The following DNAAF4 variants were observed in gnomAD, a reference collection of about 807,000 sequenced individuals.
The protein encoded by DNAAF4 is dynein assembly factor 4, axonemal.
In DNAAF4, 43 loss-of-function variants were observed where a neutral mutation model predicts 51.8. That is an observed-to-expected ratio of 0.83 (90% CI 0.65 to 1.07). The LOEUF (loss-of-function observed/expected upper bound fraction) is 1.07, where lower values mean the gene tolerates loss of function less well. Ranked by LOEUF, DNAAF4 falls within the 50% of genes least tolerant of loss-of-function variation. DNAAF4 has a pLI of 0.00. For missense variants in DNAAF4, 581 were observed against 493.0 expected (o/e 1.18, Z -1.69); for synonymous variants, 194 against 165.6 (o/e 1.17, Z -1.32).
intron 3 of DNAAF4, chr15:55,495,092 G>A (rs1218058347): frequency 6.6e-6 from 1 of 151,040 alleles, no homozygotes; most frequent in African/African-American, 2.4e-5. Flanking sequence ...CAGACTGGGT[G>A]TGTTATGACA....
At chr15:55,423,230 C>T (rs1469983620) in intron 7 of DNAAF4, among the ~76,000 whole-genome samples, 2 of 149,240 alleles carry the variant, frequency 1.3e-5, no homozygotes, top group Admixed American at 6.8e-5. Flanking sequence ...GAGTCAGGGT[C>T]TCCCTCTGTC....
intron 6 of DNAAF4, 89 bp from the exon 7 acceptor site, chr15:55,439,670 T>A: frequency 8.6e-7 from 1 of 1,167,700 alleles, no homozygotes; most frequent in East Asian, 2.5e-5. Context: ...CTCCAGTGGA[T>A]TGAAATATTA....
At chr15:55,437,571 A>T (rs2057634631) in intron 7 of DNAAF4, among the ~76,000 whole-genome samples, 1 of 151,920 alleles carries the variant, frequency 6.6e-6, no homozygotes, top group East Asian at 1.9e-4. Flanking sequence ...AACACGGCAA[A>T]AAGGACTTTG....
At chr15:55,436,836 C>A (rs1023476089) in intron 7 of DNAAF4, among the ~76,000 whole-genome samples, 2 of 148,162 alleles carry the variant, frequency 1.3e-5, no homozygotes, top group African/African-American at 5.0e-5. Flanking sequence ...TTCTTTTTAT[C>A]TTGAGATGGA....
chr15:55,475,900 G>A (rs1331336553), intron 4 of DNAAF4, among the ~76,000 whole-genome samples: 2 of 152,102 alleles, frequency 1.3e-5, no homozygotes, highest in African/African-American at 4.8e-5. Context: ...AAGTGCTTAA[G>A]CAGTCAGAAA....
At position 55,434,886 on chromosome 15, in the gene DNAAF4, C is replaced by CAT. The variant is rs2057582907; in HGVS notation, c.1047+17_1047+18dup. 6.9e-6 allele frequency: 11 copies of CAT among 1,582,808 alleles called. No individual in the cohort carries two copies. The highest frequency in any genetic ancestry group is 6.8e-5 in the East Asian group (3 of 44,356). ...AGGATATATTTAAAGCACCATATAT[C>CAT]ATACATAGATATCCATACCTTAGAA... is the stretch of plus-strand genomic sequence containing the variant. On this transcript the variant is annotated intron_variant, in intron 8 of 9. Transcript: ENST00000321149.
intron 6 of DNAAF4, among the ~76,000 whole-genome samples, chr15:55,440,451 T>C (rs1452335257): frequency 6.6e-6 from 1 of 152,020 alleles, no homozygotes; most frequent in Admixed American, 6.6e-5. Flanking sequence ...CGATCTCGGC[T>C]CACTGCAAGC....
At chr15:55,431,887 G>T (rs1316147360) in intron 9 of DNAAF4, among the ~76,000 whole-genome samples, 1 of 152,010 alleles carries the variant, frequency 6.6e-6, no homozygotes, top group Non-Finnish European at 1.5e-5. Flanking sequence ...CAGTTCCTGG[G>T]ATTATAGGCG....
intron 4 of DNAAF4, among the ~76,000 whole-genome samples, chr15:55,487,025 T>A (rs1379085177): frequency 6.6e-6 from 1 of 152,208 alleles, no homozygotes; most frequent in Non-Finnish European, 1.5e-5. Flanking sequence ...CAACTAATTT[T>A]ACACTTTTGT....
In DNAAF4 at chr15:55,439,559, G is replaced by C. The variant is rs1263348060; in HGVS notation, c.806C>G (p.Ala269Gly). 7 of 1,613,726 alleles carry C rather than the reference G, an allele frequency of 4.3e-6. No individual in the cohort carries two copies. In the African/African-American group the frequency reaches 6.7e-5, roughly 15 times the overall value. Reference sequence around the variant, plus strand: ...TATGTCAGTATTCATTGCTCTTCGTGCCTCAGCTTGTTTGTGTAGCCACTA... The same window carrying C: ...TATGTCAGTATTCATTGCTCTTCGTCCCTCAGCTTGTTTGTGTAGCCACTA... ...EEEWLHKQAE[A>G]RRAMNTDIAE... is the part of the protein sequence containing the mutation. Residue 269 changes from alanine (A) to glycine (G), a missense_variant, in exon 7 of 10, where the codon GCA (alanine) becomes GGA (glycine). Ala to Gly is a moderately conservative substitution (Grantham distance 60). Transcript: ENST00000321149.
intron 4 of DNAAF4, among the ~76,000 whole-genome samples, chr15:55,485,215 G>A (rs923214006): frequency 6.6e-6 from 1 of 152,190 alleles, no homozygotes; most frequent in African/African-American, 2.4e-5. Context: ...ACATGTAAAA[G>A]TGGAAGACAG....
At chr15:55,453,545 GTTC>G (rs1428614564) in intron 5 of DNAAF4, among the ~76,000 whole-genome samples, 2 of 134,420 alleles carry the variant, frequency 1.5e-5, no homozygotes, top group South Asian at 2.3e-4. Context: ...AAAAAAAACA[GTTC>G]TTTTTTTTTT....
At chr15:55,496,677 A>C (rs2058644916) in intron 3 of DNAAF4, among the ~76,000 whole-genome samples, 1 of 152,186 alleles carries the variant, frequency 6.6e-6, no homozygotes, top group African/African-American at 2.4e-5. Flanking sequence ...ACTTTGACTA[A>C]TTCAGCCTTT....
At chr15:55,433,320 A>C (rs2057526114) in intron 8 of DNAAF4, among the ~76,000 whole-genome samples, 1 of 151,940 alleles carries the variant, frequency 6.6e-6, no homozygotes, top group African/African-American at 2.4e-5. Flanking sequence ...CACACACACA[A>C]AAGGCCTCGG....
At chr15:55,435,627 A>T (rs1265593706) in intron 7 of DNAAF4, among the ~76,000 whole-genome samples, 1 of 152,222 alleles carries the variant, frequency 6.6e-6, no homozygotes, top group East Asian at 1.9e-4. Flanking sequence ...TTAGCTGTTT[A>T]GTTATATAAG....
At chr15:55,446,002 CCGGG>C (rs2057799216) in intron 6 of DNAAF4, among the ~76,000 whole-genome samples, 3 of 138,440 alleles carry the variant, frequency 2.2e-5, no homozygotes, top group South Asian at 2.4e-4. Context: ...GACGGGGTGG[CCGGG>C]CAGAGGCGCT....
chr15:55,498,132 T>C, intron 2 of DNAAF4, 75 bp downstream of exon 2: 7 of 1,603,854 alleles, frequency 4.4e-6, no homozygotes, highest in Non-Finnish European at 5.9e-6. Context: ...AGCCTGTTGC[T>C]CGTGCCCAGC....
intron 3 of DNAAF4, among the ~76,000 whole-genome samples, chr15:55,497,251 T>C (rs1437630575): frequency 6.6e-6 from 1 of 152,124 alleles, no homozygotes; most frequent in East Asian, 1.9e-4. Flanking sequence ...TCAATCCTTC[T>C]GTTGTTAGTT....
intron 8 of DNAAF4, among the ~76,000 whole-genome samples, chr15:55,433,877 ACAT>A (rs2057545613): frequency 6.4e-5 from 2 of 31,248 alleles, no homozygotes; most frequent in Admixed American, 1.1e-3. Context: ...TATATATATT[ACAT>A]ATATTATATA....
Sources: gnomAD v4.1 joint callset for allele counts (sites outside exome capture counted in the v4.1 genomes callset) on GRCh38, gnomAD v4.1.1 for gene constraint, MANE v1.5 for transcripts, NCBI Gene and HGNC (gene_info 2026-07-23, HGNC 2026-07-21) for gene names.